The following SPAG6 variants were observed in gnomAD, a reference collection of about 807,000 sequenced individuals.
SPAG6 encodes sperm-associated antigen 6.
A neutral mutation model predicts 58.5 loss-of-function variants in SPAG6; 49 were observed. The observed-to-expected ratio is 0.84, with a 90% CI of 0.67 to 1.06. The LOEUF is 1.06. Among genes scored for constraint, SPAG6 ranks in the 50% least tolerant of loss-of-function variants. The pLI is 0.00. For synonymous variants in SPAG6, 233 were observed against 225.6 expected (o/e 1.03, Z -0.29); for missense variants, 560 against 611.3 (o/e 0.92, Z 0.89).
At chr10:22,390,657 A>G (rs1449467509) in intron 7 of SPAG6, among the ~76,000 whole-genome samples, 3 of 152,210 alleles carry the variant, frequency 2.0e-5, no homozygotes, top group African/African-American at 4.8e-5. Context: ...GAGTAGAGGC[A>G]CTGTCTCCTT....
At chr10:22,389,454 T>G (rs549241841) in intron 7 of SPAG6, 142 bp downstream of exon 7, 52 of 750,656 alleles carry the variant, frequency 6.9e-5, no homozygotes, top group African/African-American at 6.5e-4. Flanking sequence ...GTTTCAATGC[T>G]TATTAGCAAG....
chr10:22,380,262 C>CAT (rs368958141), intron 4 of SPAG6, among the ~76,000 whole-genome samples: 11 of 152,152 alleles, frequency 7.2e-5, no homozygotes, highest in African/African-American at 1.4e-4. Context: ...ACATTAATAT[C>CAT]ATATAAGTGG....
chr10:22,372,388 C>T (rs576238984), intron 4 of SPAG6, among the ~76,000 whole-genome samples: 35 of 152,244 alleles, frequency 2.3e-4, no homozygotes, highest in African/African-American at 8.4e-4. Flanking sequence ...GAAAGGGTGC[C>T]TGGAGAGCCT....
At chr10:22,357,582 C>CT (rs1564361643) in intron 2 of SPAG6, among the ~76,000 whole-genome samples, 1 of 151,594 alleles carries the variant, frequency 6.6e-6, no homozygotes, top group African/African-American at 2.4e-5. Context: ...ATTTTTTTCT[C>CT]TTTTTTTAAT....
rs1265755685 is a variant in SPAG6 at position 22,357,923 on chromosome 10, T to C, written c.122-6930T>C. Among the ~76,000 whole-genome samples, 4 of 152,166 alleles carry C rather than the reference T, an allele frequency of 2.6e-5. No individual in the cohort carries two copies. In the East Asian group the frequency reaches 7.7e-4, roughly 29 times the overall value. ...TACAAAGGACCTGAGCTCATCATTT[T>C]TTATGGCTGCATACTATTCCATGGT... On this transcript the variant is annotated intron_variant, in intron 2 of 10. Transcript: ENST00000376624.
chr10:22,410,328 A>T (rs1834699327), intron 9 of SPAG6, among the ~76,000 whole-genome samples: 1 of 152,216 alleles, frequency 6.6e-6, no homozygotes, highest in African/African-American at 2.4e-5. Flanking sequence ...CAGACATATA[A>T]TGGATAATTA....
intron 8 of SPAG6, among the ~76,000 whole-genome samples, chr10:22,396,297 G>A (rs1229802026): frequency 6.6e-6 from 1 of 152,168 alleles, no homozygotes; most frequent in Non-Finnish European, 1.5e-5. Context: ...TACTGTTCTT[G>A]TGGTAGGGAT....
intron 10 of SPAG6, among the ~76,000 whole-genome samples, chr10:22,414,603 G>GGTA (rs1834825491): frequency 6.6e-6 from 1 of 152,054 alleles, no homozygotes; most frequent in Admixed American, 6.5e-5. Context: ...TGGCTACTGA[G>GGTA]GACTAGAAAA....
chr10:22,381,343 A>C (rs1474802189), intron 4 of SPAG6, among the ~76,000 whole-genome samples: 1 of 151,924 alleles, frequency 6.6e-6, no homozygotes. Context: ...AAAAAAAAAA[A>C]ATTGCCAACA....
intron 9 of SPAG6, among the ~76,000 whole-genome samples, chr10:22,405,837 GATTC>G (rs1306542924): frequency 3.9e-5 from 6 of 152,334 alleles, no homozygotes; most frequent in African/African-American, 1.4e-4. Context: ...ACTATTCAGA[GATTC>G]AACTTCTTCC....
At chr10:22,403,931 T>C (rs890601384) in intron 9 of SPAG6, among the ~76,000 whole-genome samples, 25 of 151,748 alleles carry the variant, frequency 1.6e-4, no homozygotes, top group South Asian at 4.1e-4. Flanking sequence ...CATAAATGTC[T>C]TCTTTTGAGA....
chr10:22,382,071 C>A (rs1217099825), intron 4 of SPAG6, among the ~76,000 whole-genome samples: 1 of 152,124 alleles, frequency 6.6e-6, no homozygotes, highest in Non-Finnish European at 1.5e-5. Context: ...GTGTGAGAAG[C>A]AAAGTCTTGT....
chr10:22,408,775 A>C (rs1484582174), intron 9 of SPAG6, among the ~76,000 whole-genome samples: 1 of 152,212 alleles, frequency 6.6e-6, no homozygotes, highest in East Asian at 1.9e-4. Flanking sequence ...CTGCTGTGCT[A>C]GCAATCAGCG....
At chr10:22,368,404 A>T in intron 3 of SPAG6, 91 bp from the exon 4 acceptor site, 1 of 907,000 alleles carries the variant, frequency 1.1e-6, no homozygotes, top group Non-Finnish European at 1.7e-6. Flanking sequence ...TATTTATAGT[A>T]ATGTTATTTT....
chr10:22,409,319 A>G (rs1834660621), intron 9 of SPAG6, among the ~76,000 whole-genome samples: 1 of 152,212 alleles, frequency 6.6e-6, no homozygotes, highest in Non-Finnish European at 1.5e-5. Context: ...AGAATATTAC[A>G]TTTTTTACAA....
intron 4 of SPAG6, among the ~76,000 whole-genome samples, chr10:22,379,442 TTCTCTTTTGAATCACTTGGGTCC>T (rs1366431414): frequency 2.6e-5 from 4 of 152,244 alleles, no homozygotes; most frequent in Non-Finnish European, 5.9e-5. Context: ...ATCTTGAGTC[TTCTCTTTTGAATCACTTGGGTCC>T]TCTCTTTTGA....
intron 8 of SPAG6, among the ~76,000 whole-genome samples, chr10:22,393,663 C>T (rs1834229796): frequency 6.6e-6 from 1 of 152,106 alleles, no homozygotes; most frequent in African/African-American, 2.4e-5. Flanking sequence ...GGATCTTTAC[C>T]AATCATTATT....
At chr10:22,374,819 G>A (rs1199555223) in intron 4 of SPAG6, among the ~76,000 whole-genome samples, 2 of 151,672 alleles carry the variant, frequency 1.3e-5, no homozygotes, top group Non-Finnish European at 2.9e-5. Flanking sequence ...TTTGTACAGT[G>A]GCAAAAAAGA....
intron 3 of SPAG6, among the ~76,000 whole-genome samples, chr10:22,366,946 G>A (rs1486561599): frequency 1.3e-5 from 2 of 151,778 alleles, no homozygotes; most frequent in East Asian, 1.9e-4. Flanking sequence ...CAGCCTTTAA[G>A]TCATTTCTCA....
Sources: gnomAD v4.1 joint callset for allele counts (sites outside exome capture counted in the v4.1 genomes callset) on GRCh38, gnomAD v4.1.1 for gene constraint, MANE v1.5 for transcripts, NCBI Gene and HGNC (gene_info 2026-07-23, HGNC 2026-07-21) for gene names.